The following THSD7A variants were observed in gnomAD, a reference collection of about 807,000 sequenced individuals.
The protein encoded by THSD7A is thrombospondin type 1 domain containing 7A.
A neutral mutation model predicts 231.3 loss-of-function variants in THSD7A; 96 were observed. The observed-to-expected ratio is 0.41, with a 90% CI of 0.35 to 0.49. The LOEUF is 0.49. THSD7A is among the 20% of genes least tolerant of loss of function. The pLI, the probability that THSD7A is intolerant of heterozygous loss-of-function variation, is 0.05. For synonymous variants in THSD7A, 940 were observed against 743.3 expected (o/e 1.26, Z -4.30); for missense variants, 2,290 against 2,070.2 (o/e 1.11, Z -2.06).
In THSD7A at chr7:11,636,768, A is replaced by G. The variant is rs371585656; in HGVS notation, c.384T>C (p.Pro128=). The change falls in exon 2 of 28, where the codon CCT becomes CCC. Residue 128 remains proline (P), a synonymous_variant. Transcript: ENST00000423059. The surrounding 1 kb of genome is among the most constrained non-coding windows in gnomAD (Gnocchi z 10.0). ...AAATCACGGGCTGACACTGATTCCAAGGTCCCAGTCTCCAGTCGTACAACT... is the reference window on the plus strand; with the variant it reads ...AAATCACGGGCTGACACTGATTCCAGGGTCCCAGTCTCCAGTCGTACAACT... ...HKELYDWRLG[P]WNQCQPVISK... The G allele has an allele frequency of 5.9e-5, 96 of 1,613,882 alleles. No homozygotes were observed. Among genetic ancestry groups the G allele is most frequent in the Admixed American group, 1.7e-4 (10 of 60,002 alleles).
In THSD7A at chr7:11,590,653, C is replaced by T; in HGVS notation, c.1272-12G>A. On this transcript the variant is annotated splice_polypyrimidine_tract_variant and intron_variant, in intron 3 of 27. Transcript: ENST00000423059. The surrounding 1 kb of genome is among the most constrained non-coding windows in gnomAD (Gnocchi z 4.4). The stretch of plus-strand genomic sequence containing the variant: ...TTCTCCAGCCATACCTAAATAAAGA[C>T]AACACCACCAGCAGCAACCATAATT... The T allele has an allele frequency of 6.3e-7, 1 of 1,588,934 alleles. No homozygotes were observed. Among genetic ancestry groups the T allele is most frequent in the Non-Finnish European group, 8.6e-7 (1 of 1,167,398 alleles).
At chr7:11,428,909 C>A in intron 14 of THSD7A, 38 bp downstream of exon 14, 1 of 1,549,256 alleles carries the variant, frequency 6.5e-7, no homozygotes, top group South Asian at 1.3e-5. Flanking sequence ...CATTGTGAAT[C>A]TCAACAATAT....
intron 2 of THSD7A, among the ~76,000 whole-genome samples, chr7:11,604,545 C>A (rs947806385): frequency 1.3e-5 from 2 of 151,906 alleles, no homozygotes; most frequent in Admixed American, 6.6e-5. Flanking sequence ...AAAAATGTTT[C>A]TTTTTTTCCC....
chr7:11,495,272 A>G (rs940239948), intron 6 of THSD7A, among the ~76,000 whole-genome samples: 2 of 152,098 alleles, frequency 1.3e-5, no homozygotes, highest in African/African-American at 2.4e-5. Context: ...GTGCTGTTTT[A>G]TATCATATTT....
At chr7:11,623,858 C>G (rs1398141888) in intron 2 of THSD7A, among the ~76,000 whole-genome samples, 1 of 152,126 alleles carries the variant, frequency 6.6e-6, no homozygotes, top group Non-Finnish European at 1.5e-5. Flanking sequence ...GAAATCATCT[C>G]AGAGTTTCCC....
At chr7:11,603,603 C>T (rs1201369833) in intron 2 of THSD7A, among the ~76,000 whole-genome samples, 14 of 151,774 alleles carry the variant, frequency 9.2e-5, no homozygotes, top group Middle Eastern at 3.4e-3. Flanking sequence ...GCATTATTCA[C>T]GATAGCAAAG....
chr7:11,816,188 T>A (rs1019745839), intron 1 of THSD7A, among the ~76,000 whole-genome samples: 1 of 152,202 alleles, frequency 6.6e-6, no homozygotes, highest in East Asian at 1.9e-4. Flanking sequence ...TTTGTTCCCC[T>A]GCACCTGACA....
At chr7:11,775,696 G>A (rs1183275274) in intron 1 of THSD7A, among the ~76,000 whole-genome samples, 1 of 152,102 alleles carries the variant, frequency 6.6e-6, no homozygotes, top group Non-Finnish European at 1.5e-5. Flanking sequence ...ATGAAGGGAT[G>A]GGAAATTATT....
At chr7:11,736,973 T>C (rs1237301267) in intron 1 of THSD7A, among the ~76,000 whole-genome samples, 1 of 152,008 alleles carries the variant, frequency 6.6e-6, no homozygotes, top group Non-Finnish European at 1.5e-5. Context: ...TTCCTCCTTC[T>C]CTGGGCTCTC....
At chr7:11,525,305 A>G (rs543892012) in intron 6 of THSD7A, among the ~76,000 whole-genome samples, 58 of 152,310 alleles carry the variant, frequency 3.8e-4, no homozygotes, top group African/African-American at 1.3e-3. Flanking sequence ...ATAAATGAAC[A>G]TATTAAAAAT....
intron 7 of THSD7A, among the ~76,000 whole-genome samples, chr7:11,479,074 G>T (rs910132647): frequency 1.3e-5 from 2 of 152,136 alleles, no homozygotes; most frequent in African/African-American, 4.8e-5. Context: ...TTCATATGGT[G>T]ATGCAATATT....
At chr7:11,396,101 G>T (rs1783176669) in intron 23 of THSD7A, among the ~76,000 whole-genome samples, 1 of 152,186 alleles carries the variant, frequency 6.6e-6, no homozygotes, top group Non-Finnish European at 1.5e-5. Flanking sequence ...AAACCAATGA[G>T]TTCAAAGACA....
At chr7:11,575,221 G>T (rs1311301713) in intron 4 of THSD7A, among the ~76,000 whole-genome samples, 1 of 152,056 alleles carries the variant, frequency 6.6e-6, no homozygotes, top group Non-Finnish European at 1.5e-5. Flanking sequence ...CAGAAACTTG[G>T]TAATTATTTT....
chr7:11,736,553 G>T (rs1353512159), intron 1 of THSD7A, among the ~76,000 whole-genome samples: 5 of 151,702 alleles, frequency 3.3e-5, no homozygotes, highest in African/African-American at 1.2e-4. Flanking sequence ...TTTATTTATA[G>T]GACTATTTAA....
Position 11,462,283 on chromosome 7 carries a change from T to C in THSD7A, c.2369-140A>G, listed in dbSNP as rs7791313. 1,797 of 797,184 alleles carry C rather than the reference T, an allele frequency of 2.3e-3. 32 individuals are homozygous for C. The African/African-American group carries it at 0.028, about 12-fold the overall frequency. The allele number at this position is 797,184 out of a possible 1,614,324, so 49.4% of individuals were successfully genotyped here. A position where few individuals can be genotyped will look rare whatever the true frequency, so the allele number is the denominator to read the frequency against. ...GAGAGGCTTCACCTGGTCTAAACAT[T>C]CACTAAATTCTCCCAAAGACCATTT... is the stretch of plus-strand genomic sequence containing the variant. On this transcript the variant is annotated intron_variant, in intron 9 of 27. Transcript: ENST00000423059.
intron 1 of THSD7A, among the ~76,000 whole-genome samples, chr7:11,714,740 T>A (rs991843911): frequency 1.3e-5 from 2 of 151,334 alleles, no homozygotes; most frequent in African/African-American, 2.4e-5. Flanking sequence ...TTGACTAAAT[T>A]TTCCAGAAAA....
chr7:11,731,087 C>T (rs1243263991), intron 1 of THSD7A, among the ~76,000 whole-genome samples: 1 of 151,394 alleles, frequency 6.6e-6, no homozygotes, highest in Non-Finnish European at 1.5e-5. Context: ...TTAATTTTGT[C>T]TCTTTTCAAT....
At position 11,474,586 on chromosome 7, in the gene THSD7A, G is replaced by A. The variant is rs767115611; in HGVS notation, c.2018-18C>T. 6.4e-7 allele frequency: 1 copy of A among 1,573,336 alleles called. No homozygotes were observed. The highest frequency in any genetic ancestry group is 1.1e-5 in the South Asian group (1 of 88,058). ...AATTCCACCTAAAAACATGGACAAT[G>A]ATAGCAAATTAGATACGGTGCCAAC... is the stretch of plus-strand genomic sequence containing the variant. On this transcript the variant is annotated intron_variant, in intron 7 of 27. Coordinates refer to ENST00000423059, the MANE Select transcript of THSD7A (RefSeq NM_015204.3). The surrounding 1 kb of genome is among the most constrained non-coding windows in gnomAD (Gnocchi z 4.1).
chr7:11,551,586 A>G (rs36), intron 4 of THSD7A, among the ~76,000 whole-genome samples: 31,116 of 152,130 alleles, frequency 0.2, 4,093 homozygotes, highest in Admixed American at 0.4. Flanking sequence ...GCCAACAAAC[A>G]TATGAAAAAT....
Sources: allele counts gnomAD v4.1 joint callset (sites outside exome capture counted in the v4.1 genomes callset), GRCh38; gene constraint gnomAD v4.1.1; non-coding constraint Gnocchi (gnomAD v3.1); transcripts MANE v1.5; gene names NCBI Gene and HGNC (gene_info 2026-07-23, HGNC 2026-07-21).